Variants in PAPPA2 observed in about 807,000 individuals in gnomAD.
PAPPA2 encodes pappalysin-2.
PAPPA2 carries 86 observed loss-of-function variants against 176.4 expected under a neutral mutation model. The ratio of observed to expected loss-of-function variants is 0.49; its 90% CI spans 0.41 to 0.58. The LOEUF (loss-of-function observed/expected upper bound fraction) is 0.58. Ranked by LOEUF, PAPPA2 falls within the 20% of genes least tolerant of loss-of-function variation. The probability of loss-of-function intolerance (pLI) is 0.00; values close to 1 mark genes in which losing one functional copy is unlikely to be tolerated. For synonymous variants in PAPPA2, 809 were observed against 852.2 expected, an observed-to-expected ratio of 0.95 and a Z score of 0.88; for missense variants, 2,073 against 2,256.9, an observed-to-expected ratio of 0.92 and a Z score of 1.65.
chr1:176,606,236 C>T (rs1390459472), intron 3 of PAPPA2, among the ~76,000 whole-genome samples: 1 of 152,080 alleles, frequency 6.6e-6, no homozygotes, highest in Non-Finnish European at 1.5e-5. Flanking sequence ...CAATAGCAGA[C>T]ATAAGTTAAA....
chr1:176,682,302 G>C (rs956481405), intron 4 of PAPPA2, among the ~76,000 whole-genome samples: 1 of 152,180 alleles, frequency 6.6e-6, no homozygotes, highest in African/African-American at 2.4e-5. Context: ...AAGTTTGGCT[G>C]TGAAGGCATA....
At chr1:176,548,399 A>G (rs1456741846) in intron 1 of PAPPA2, among the ~76,000 whole-genome samples, 1 of 152,150 alleles carries the variant, frequency 6.6e-6, no homozygotes, top group Non-Finnish European at 1.5e-5. Context: ...CCTAACTGCT[A>G]CTGTTGGCTG....
rs1301121387 is a variant in PAPPA2, at chr1:176,712,046, T to C, written c.3798+65T>C. On this transcript the variant is annotated intron_variant, in intron 12 of 22. Transcript: ENST00000367662. Reference sequence around the variant, plus strand: ...GTAAGCATATGTGTGTGTGTGTGTGTGTGTGTGTGTGTAAATGGTGCATTT... The same window carrying C: ...GTAAGCATATGTGTGTGTGTGTGTGCGTGTGTGTGTGTAAATGGTGCATTT... 3.9e-6 allele frequency: 6 copies of C among 1,533,984 alleles called. No homozygotes were observed. The Admixed American group carries it at 5.3e-5, about 13-fold the overall frequency.
intron 21 of PAPPA2, among the ~76,000 whole-genome samples, chr1:176,804,250 C>A (rs1167790944): frequency 1.3e-5 from 2 of 152,172 alleles, no homozygotes; most frequent in Non-Finnish European, 2.9e-5. Flanking sequence ...CATGTTGAAA[C>A]CCATTCCCGG....
At chr1:176,600,282 T>C (rs575467607) in intron 3 of PAPPA2, among the ~76,000 whole-genome samples, 45 of 152,298 alleles carry the variant, frequency 3.0e-4, no homozygotes, top group Admixed American at 2.6e-4. Flanking sequence ...TTTTGATTCA[T>C]AGAGATATAG....
chr1:176,467,374 T>G (rs571552544), intron 1 of PAPPA2, among the ~76,000 whole-genome samples: 3 of 152,302 alleles, frequency 2.0e-5, no homozygotes, highest in Non-Finnish European at 2.9e-5. Flanking sequence ...TTTCTCTGAG[T>G]TTTTATTCTC....
chr1:176,655,354 A>C (rs1051552970), intron 3 of PAPPA2, among the ~76,000 whole-genome samples: 2 of 151,818 alleles, frequency 1.3e-5, no homozygotes, highest in Non-Finnish European at 2.9e-5. Context: ...GAATGAGAGA[A>C]AATATTTGTT....
chr1:176,783,230 T>C (rs561990288), intron 17 of PAPPA2, among the ~76,000 whole-genome samples: 2 of 152,344 alleles, frequency 1.3e-5, no homozygotes, highest in South Asian at 4.1e-4. Context: ...AAGTGCTCTA[T>C]GTGTTATTGT....
chr1:176,779,200 A>G (rs1222945817), intron 17 of PAPPA2, among the ~76,000 whole-genome samples: 1 of 152,150 alleles, frequency 6.6e-6, no homozygotes, highest in African/African-American at 2.4e-5. Flanking sequence ...ATTGTTTTAT[A>G]TAAACCAGTA....
intron 3 of PAPPA2, among the ~76,000 whole-genome samples, chr1:176,669,353 A>G (rs1658853302): frequency 6.6e-6 from 1 of 150,984 alleles, no homozygotes; most frequent in Admixed American, 6.6e-5. Context: ...CTTCTGGCCT[A>G]TTGAAACATC....
At chr1:176,578,785 G>A (rs1652797399) in intron 2 of PAPPA2, among the ~76,000 whole-genome samples, 1 of 152,088 alleles carries the variant, frequency 6.6e-6, no homozygotes, top group Non-Finnish European at 1.5e-5. Context: ...TCTCAGAAAG[G>A]GGCACTTTTT....
intron 21 of PAPPA2, among the ~76,000 whole-genome samples, chr1:176,839,521 T>G (rs934590979): frequency 3.9e-5 from 6 of 152,122 alleles, no homozygotes; most frequent in Non-Finnish European, 5.9e-5. Context: ...TGGGAATATT[T>G]GTGTTACAGC....
At chr1:176,519,661 C>T (rs1480307381) in intron 1 of PAPPA2, among the ~76,000 whole-genome samples, 1 of 152,222 alleles carries the variant, frequency 6.6e-6, no homozygotes, top group East Asian at 1.9e-4. Flanking sequence ...CTGGTAATCC[C>T]CAGGAAGTAG....
At chr1:176,484,352 C>T (rs574330768) in intron 1 of PAPPA2, among the ~76,000 whole-genome samples, 1 of 152,272 alleles carries the variant, frequency 6.6e-6, no homozygotes, top group African/African-American at 2.4e-5. Flanking sequence ...GTCCTTCTTA[C>T]TATTCTCTGA....
chr1:176,753,499 T>C (rs1228909075), intron 14 of PAPPA2, among the ~76,000 whole-genome samples: 2 of 151,702 alleles, frequency 1.3e-5, no homozygotes, highest in African/African-American at 2.4e-5. Context: ...CTCAGTCCTA[T>C]GTAGAACGTT....
At chr1:176,821,511 A>G (rs1459352353) in intron 21 of PAPPA2, among the ~76,000 whole-genome samples, 1 of 152,244 alleles carries the variant, frequency 6.6e-6, no homozygotes, top group Non-Finnish European at 1.5e-5. Context: ...TCACTCATGC[A>G]TCTACAAGTT....
intron 3 of PAPPA2, 84 bp from the exon 4 acceptor site, chr1:176,670,886 T>G (rs1268526518): frequency 3.2e-6 from 5 of 1,546,054 alleles, no homozygotes; most frequent in Non-Finnish European, 4.4e-6. Flanking sequence ...GGGAGTGCCA[T>G]TAGAATCTGA....
intron 2 of PAPPA2, among the ~76,000 whole-genome samples, chr1:176,560,319 G>A (rs1449816305): frequency 2.0e-5 from 3 of 152,200 alleles, no homozygotes; most frequent in African/African-American, 7.2e-5. Flanking sequence ...AAAATAGAAA[G>A]TTGAATTCCA....
At chr1:176,798,346 G>T (rs1332596374) in intron 20 of PAPPA2, among the ~76,000 whole-genome samples, 3 of 152,132 alleles carry the variant, frequency 2.0e-5, no homozygotes, top group Non-Finnish European at 2.9e-5. Flanking sequence ...AGATCCCCTT[G>T]CTCACTGGAA....
Sources: allele counts gnomAD v4.1 joint callset (sites outside exome capture counted in the v4.1 genomes callset), GRCh38; gene constraint gnomAD v4.1.1; transcripts MANE v1.5; gene names NCBI Gene and HGNC (gene_info 2026-07-23, HGNC 2026-07-21).